The following KYAT3 variants were observed in gnomAD, a reference collection of about 807,000 sequenced individuals.
The protein encoded by KYAT3 is kynurenine aminotransferase 3.
A neutral mutation model predicts 59.0 loss-of-function variants in KYAT3; 50 were observed. The observed-to-expected ratio is 0.85, with a 90% CI of 0.68 to 1.07. The LOEUF (loss-of-function observed/expected upper bound fraction) is 1.07, where lower values mean the gene tolerates loss of function less well. Ranked by LOEUF, KYAT3 falls within the 50% of genes least tolerant of loss-of-function variation. The probability of loss-of-function intolerance (pLI) is 0.00; values close to 1 mark genes in which losing one functional copy is unlikely to be tolerated. For synonymous variants in KYAT3, 148 were observed against 177.0 expected, an observed-to-expected ratio of 0.84 and a Z score of 1.30; for missense variants, 497 against 533.3, an observed-to-expected ratio of 0.93 and a Z score of 0.67.
chr1:88,924,773 G>A, the KYAT3 span, among the ~76,000 whole-genome samples: 1 of 152,214 alleles, frequency 6.6e-6, no homozygotes, highest in Non-Finnish European at 1.5e-5. Context: ...TTGGGCTAAA[G>A]GCTTGCCATT....
intron 1 of KYAT3, among the ~76,000 whole-genome samples, chr1:88,991,335 T>C (rs1677782654): frequency 6.6e-6 from 1 of 152,176 alleles, no homozygotes; most frequent in Non-Finnish European, 1.5e-5. Flanking sequence ...TAGTAAGAGA[T>C]TTAATTTGAC....
chr1:88,981,610 T>G (rs762527042), intron 2 of KYAT3: 1 of 159,260 alleles, frequency 6.3e-6, no homozygotes, highest in African/African-American at 2.4e-5. Flanking sequence ...CTGACAGCAC[T>G]GCTTATGCAA....
At chr1:88,980,329 C>T (rs915321062) in intron 2 of KYAT3, 2 of 152,550 alleles carry the variant, frequency 1.3e-5, no homozygotes, top group African/African-American at 4.8e-5. Flanking sequence ...TAAAAAGCTG[C>T]CAGAGTATTC....
intron 6 of KYAT3, 42 bp from the exon 7 acceptor site, chr1:88,961,548 C>T: frequency 6.5e-7 from 1 of 1,548,684 alleles, no homozygotes; most frequent in Admixed American, 1.8e-5. Flanking sequence ...TCAATTAAGT[C>T]ATGTTTACTG....
chr1:88,953,301 T>C (rs1249713884), intron 9 of KYAT3, 149 bp from the exon 10 acceptor site: 1 of 591,586 alleles, frequency 1.7e-6, no homozygotes, highest in Non-Finnish European at 3.0e-6. Flanking sequence ...TCCCAGCACT[T>C]TGGGAAGCCG....
At chr1:88,980,186 T>A (rs1677011501) in intron 2 of KYAT3, 1 of 152,420 alleles carries the variant, frequency 6.6e-6, no homozygotes. Flanking sequence ...ACTTGAGGAA[T>A]CTTTTGGGGG....
rs7520646 is a variant in KYAT3, at chr1:88,975,864, G to A, written c.100-6397C>T. Among the ~76,000 whole-genome samples the A allele has an allele frequency of 8.8e-3, 1,339 of 151,908 alleles. 16 individuals are homozygous for A. The highest frequency in any genetic ancestry group is 0.03 in the African/African-American group (1,250 of 41,440). On this transcript the variant is annotated intron_variant, in intron 2 of 13. Transcript: ENST00000260508. ...ATCCTGGCCAACATGGTAAAACCCC[G>A]TCTCTACTAAAAATACAAAAATGAG...
At chr1:88,984,204 C>CT (rs908183722) in intron 2 of KYAT3, 1,991 of 81,672 alleles carry the variant, frequency 0.024, 280 homozygotes, top group African/African-American at 0.033. Context: ...TTTTTTGTTG[C>CT]TTTTTTTTTT....
At chr1:88,931,302 G>C (rs1329529022), downstream of KYAT3, among the ~76,000 whole-genome samples, 1 of 152,130 alleles carries the variant, frequency 6.6e-6, no homozygotes, top group East Asian at 1.9e-4. Flanking sequence ...TAACCTCCTT[G>C]TTAAGTTTGT....
the KYAT3 span, among the ~76,000 whole-genome samples, chr1:88,928,067 G>A: frequency 2.0e-5 from 3 of 152,190 alleles, no homozygotes; most frequent in Non-Finnish European, 4.4e-5. Context: ...TTGCGCGCTA[G>A]AAGGACTAAG....
At chr1:88,979,478 C>T (rs2101074445) in intron 2 of KYAT3, 1 of 152,246 alleles carries the variant, frequency 6.6e-6, no homozygotes, top group African/African-American at 2.4e-5. Context: ...GACTTTAATA[C>T]AGTATATATA....
At position 88,969,417 on chromosome 1, in the gene KYAT3, A is replaced by C. The variant is rs761450144; in HGVS notation, c.150T>G (p.Ser50Arg). ...TNAKRIEGLD[S>R]NVWIEFTKLA... ...TATTTTAAGATACTCACCACACATT[A>C]CTATCAAGTCCTTCAATCCGTTTTG... Residue 50 changes from serine to arginine, a missense_variant, in exon 3 of 14, where the codon AGT (serine) becomes AGG (arginine). Physicochemically the swap from Ser to Arg is moderately radical, Grantham distance 110. This residue lies in a region of KYAT3 where 469 missense variants were observed against 479.1 expected (regional missense o/e 0.98). Coordinates refer to ENST00000260508, the MANE Select transcript of KYAT3 (RefSeq NM_001008661.3). 7 of 1,557,680 alleles carry C rather than the reference A, an allele frequency of 4.5e-6. No homozygotes were observed.
downstream of KYAT3, among the ~76,000 whole-genome samples, chr1:88,930,918 C>A (rs1216362742): frequency 6.6e-6 from 1 of 152,098 alleles, no homozygotes; most frequent in Non-Finnish European, 1.5e-5. Flanking sequence ...AAAAGAGCCG[C>A]AAGGCAGGAC....
chr1:88,989,733 C>T (rs1557711751), intron 1 of KYAT3, among the ~76,000 whole-genome samples: 1 of 152,188 alleles, frequency 6.6e-6, no homozygotes, highest in Admixed American at 6.5e-5. Flanking sequence ...CCTCAATGCC[C>T]ACCTTCCTTC....
the KYAT3 span, among the ~76,000 whole-genome samples, chr1:88,930,413 GAACTT>G: frequency 2.8e-4 from 43 of 151,728 alleles, no homozygotes; most frequent in African/African-American, 1.0e-3. Context: ...GAAAAAAATA[GAACTT>G]AACTGTCAGC....
intron 13 of KYAT3, among the ~76,000 whole-genome samples, chr1:88,941,993 T>C (rs989979100): frequency 5.3e-5 from 8 of 152,248 alleles, no homozygotes; most frequent in African/African-American, 1.9e-4. Flanking sequence ...ATTTTGACTA[T>C]TATTCCTTAA....
At chr1:88,988,587 A>T (rs1557710947) in intron 1 of KYAT3, among the ~76,000 whole-genome samples, 1 of 152,228 alleles carries the variant, frequency 6.6e-6, no homozygotes, top group Non-Finnish European at 1.5e-5. Flanking sequence ...ATTTTAAACT[A>T]GAGAGCTTTA....
At chr1:88,976,784 A>G (rs926149791) in intron 2 of KYAT3, among the ~76,000 whole-genome samples, 9 of 152,164 alleles carry the variant, frequency 5.9e-5, no homozygotes, top group African/African-American at 1.7e-4. Context: ...GTTCATCGGT[A>G]GGTCTAGGCT....
At position 88,961,380 on chromosome 1, in the gene KYAT3, C is replaced by G; in HGVS notation, c.666+1G>C. The G allele has an allele frequency of 6.2e-7, 1 of 1,613,772 alleles. No homozygotes were observed. On this transcript the variant is annotated splice_donor_variant, in intron 7 of 13. Coordinates refer to ENST00000260508, the MANE Select transcript of KYAT3 (RefSeq NM_001008661.3). LOFTEE classifies it high-confidence loss of function. ...TGTATAAGGAGATGAGACTTGCTTA[C>G]CTTGCCAAGTGGGTTATGTGGAGTA...
Sources: allele counts gnomAD v4.1 joint callset (sites outside exome capture counted in the v4.1 genomes callset), GRCh38; gene constraint gnomAD v4.1.1; regional missense constraint gnomAD v4.1.1; transcripts MANE v1.5; gene names NCBI Gene and HGNC (gene_info 2026-07-23, HGNC 2026-07-21).